Variants in LRMDA observed in about 807,000 individuals in gnomAD.
LRMDA encodes the protein leucine-rich melanocyte differentiation-associated protein.
LRMDA carries 18 observed loss-of-function variants against 29.8 expected under a neutral mutation model. The observed-to-expected ratio is 0.60, with a 90% confidence interval of 0.42 to 0.90. LRMDA has a LOEUF of 0.90. Ranked by LOEUF, LRMDA falls within the 40% of genes least tolerant of loss-of-function variation. The pLI, the probability that LRMDA is intolerant of heterozygous loss-of-function variation, is 0.00. For synonymous variants in LRMDA, 125 were observed against 109.4 expected (o/e 1.14, Z -0.89); for missense variants, 273 against 273.9 (o/e 1.00, Z 0.02).
chr10:75,530,204 A>T (rs1254610974), intron 2 of LRMDA, among the ~76,000 whole-genome samples: 4 of 152,082 alleles, frequency 2.6e-5, no homozygotes, highest in Admixed American at 2.6e-4. Context: ...CAGTGGGATT[A>T]TGGGTCCTGC....
intron 2 of LRMDA, among the ~76,000 whole-genome samples, chr10:75,928,410 A>T (rs1846155915): frequency 1.3e-5 from 2 of 152,172 alleles, no homozygotes; most frequent in South Asian, 4.1e-4. Flanking sequence ...TTTCACAAGA[A>T]AATAACCCCT....
At chr10:76,314,547 G>C (rs1015549686) in intron 5 of LRMDA, among the ~76,000 whole-genome samples, 1 of 152,202 alleles carries the variant, frequency 6.6e-6, no homozygotes, top group African/African-American at 2.4e-5. Flanking sequence ...TGAAGAGTTG[G>C]AAAGTGACTG....
chr10:76,229,076 G>A (rs989057722), intron 5 of LRMDA, among the ~76,000 whole-genome samples: 29 of 152,220 alleles, frequency 1.9e-4, no homozygotes, highest in Non-Finnish European at 2.9e-5. Flanking sequence ...GTAGAAGCAG[G>A]AGATGTTGAA....
intron 2 of LRMDA, among the ~76,000 whole-genome samples, chr10:75,861,427 C>G (rs1347114609): frequency 2.0e-5 from 3 of 152,196 alleles, no homozygotes; most frequent in Non-Finnish European, 4.4e-5. Flanking sequence ...GTATGGAGTT[C>G]TTCTGTTACA....
chr10:75,832,633 T>A (rs1281122465), intron 2 of LRMDA, among the ~76,000 whole-genome samples: 1 of 152,158 alleles, frequency 6.6e-6, no homozygotes, highest in African/African-American at 2.4e-5. Context: ...TAATCTGTCT[T>A]CACACTGCTG....
chr10:75,568,038 C>G (rs1427992582), intron 2 of LRMDA, among the ~76,000 whole-genome samples: 4 of 152,110 alleles, frequency 2.6e-5, no homozygotes, highest in Non-Finnish European at 5.9e-5. Context: ...GTGTTCAATT[C>G]TGGGCCATAC....
intron 6 of LRMDA, among the ~76,000 whole-genome samples, chr10:76,443,997 T>A (rs1458173531): frequency 2.0e-5 from 3 of 152,076 alleles, no homozygotes; most frequent in Admixed American, 6.6e-5. Context: ...GAAGGCTGAG[T>A]GGATGAGCGC....
chr10:76,182,554 G>A (rs1435017402), intron 5 of LRMDA, among the ~76,000 whole-genome samples: 1 of 152,198 alleles, frequency 6.6e-6, no homozygotes, highest in Non-Finnish European at 1.5e-5. Flanking sequence ...ATGGGAAACA[G>A]TGTTCATGTT....
intron 2 of LRMDA, among the ~76,000 whole-genome samples, chr10:75,973,021 A>ACAG (rs3042539): frequency 0.19 from 27,950 of 148,862 alleles, 2,679 homozygotes; most frequent in Non-Finnish European, 0.23. Context: ...CACTTTAACA[A>ACAG]CAGCAGCAGC....
intron 2 of LRMDA, among the ~76,000 whole-genome samples, chr10:75,576,755 G>C (rs1205263454): frequency 6.6e-6 from 1 of 152,150 alleles, no homozygotes; most frequent in Non-Finnish European, 1.5e-5. Flanking sequence ...ACAGGGTCTG[G>C]AGTGGACCTC....
intron 6 of LRMDA, among the ~76,000 whole-genome samples, chr10:76,418,001 A>T (rs1842034716): frequency 6.6e-6 from 1 of 152,112 alleles, no homozygotes; most frequent in African/African-American, 2.4e-5. Context: ...TCCCATTAGT[A>T]TTCTTGTCTC....
intron 2 of LRMDA, among the ~76,000 whole-genome samples, chr10:75,911,839 T>A (rs1845847719): frequency 6.6e-6 from 1 of 152,186 alleles, no homozygotes; most frequent in South Asian, 2.1e-4. Flanking sequence ...TGCTGGGTGC[T>A]TGAGGCTGAA....
At chr10:75,473,184 A>G (rs931124849) in intron 2 of LRMDA, among the ~76,000 whole-genome samples, 2 of 152,222 alleles carry the variant, frequency 1.3e-5, no homozygotes, top group African/African-American at 4.8e-5. Context: ...GGCTAGTGAT[A>G]TGAGATTGGA....
At chr10:75,531,684 TG>T (rs1845479935) in intron 2 of LRMDA, among the ~76,000 whole-genome samples, 1 of 152,164 alleles carries the variant, frequency 6.6e-6, no homozygotes, top group Non-Finnish European at 1.5e-5. Context: ...ACCTAGTGTA[TG>T]TTCAGTTTTA....
At chr10:75,881,604 T>C (rs1054731398) in intron 2 of LRMDA, among the ~76,000 whole-genome samples, 6 of 152,192 alleles carry the variant, frequency 3.9e-5, no homozygotes, top group Non-Finnish European at 7.3e-5. Context: ...AACTTCACTT[T>C]AGCCTCTGAT....
chr10:75,438,808 G>C (rs1844292608), intron 2 of LRMDA, among the ~76,000 whole-genome samples: 1 of 152,182 alleles, frequency 6.6e-6, no homozygotes. Context: ...TGTGCAGACA[G>C]GTCAGAATAC....
intron 5 of LRMDA, among the ~76,000 whole-genome samples, chr10:76,221,219 G>A (rs1298397408): frequency 2.0e-5 from 3 of 152,064 alleles, no homozygotes; most frequent in African/African-American, 7.2e-5. Flanking sequence ...CACAAGACAG[G>A]GATGCCCTCT....
chr10:76,014,106 G>GTATA (rs1341556157), intron 2 of LRMDA, among the ~76,000 whole-genome samples: 14 of 73,244 alleles, frequency 1.9e-4, no homozygotes, highest in South Asian at 4.1e-4. Flanking sequence ...AAAAAAAAAA[G>GTATA]TATATATATA....
intron 2 of LRMDA, among the ~76,000 whole-genome samples, chr10:75,763,095 T>C (rs571241028): frequency 6.6e-6 from 1 of 152,310 alleles, no homozygotes; most frequent in African/African-American, 2.4e-5. Flanking sequence ...GAGAACAGGG[T>C]GTCTTGGATA....
Sources: allele counts gnomAD v4.1 joint callset (sites outside exome capture counted in the v4.1 genomes callset), GRCh38; gene constraint gnomAD v4.1.1; transcripts MANE v1.5; gene names NCBI Gene and HGNC (gene_info 2026-07-23, HGNC 2026-07-21).